CNTN5: variants seen among roughly 807,000 people sequenced by gnomAD.
CNTN5 encodes the protein contactin 5, also known as contactin-5.
A neutral mutation model predicts 129.1 loss-of-function variants in CNTN5; 77 were observed. That is an observed-to-expected ratio of 0.60 (90% CI 0.50 to 0.72). The LOEUF (loss-of-function observed/expected upper bound fraction) is 0.72. Among genes scored for constraint, CNTN5 ranks in the 30% least tolerant of loss-of-function variants. The pLI is 0.00. For synonymous variants in CNTN5, 509 were observed against 465.6 expected, an observed-to-expected ratio of 1.09 and a Z score of -1.20; for missense variants, 1,478 against 1,328.8, an observed-to-expected ratio of 1.11 and a Z score of -1.75.
At chr11:99,270,890 C>A (rs947928495) in intron 1 of CNTN5, among the ~76,000 whole-genome samples, 1 of 151,916 alleles carries the variant, frequency 6.6e-6, no homozygotes, top group African/African-American at 2.4e-5. Flanking sequence ...AACGTAATGG[C>A]ATGATTTGGT....
intron 1 of CNTN5, among the ~76,000 whole-genome samples, chr11:99,025,960 A>C (rs978868654): frequency 2.0e-5 from 3 of 151,728 alleles, no homozygotes; most frequent in Non-Finnish European, 4.4e-5. Context: ...TTTCAGTTAC[A>C]TGCAAGAACT....
intron 2 of CNTN5, among the ~76,000 whole-genome samples, chr11:99,369,218 A>ATG (rs1491220938): frequency 1.6e-3 from 6 of 3,722 alleles, no homozygotes; most frequent in Non-Finnish European, 3.5e-3. Context: ...ATTATATATA[A>ATG]TATATATATA....
chr11:99,876,425 C>T (rs1168553783), intron 6 of CNTN5, among the ~76,000 whole-genome samples: 1 of 152,206 alleles, frequency 6.6e-6, no homozygotes, highest in African/African-American at 2.4e-5. Context: ...CCTTCCTACA[C>T]TGCATTCTCC....
At chr11:99,722,156 A>G (rs1315786364) in intron 3 of CNTN5, among the ~76,000 whole-genome samples, 1 of 152,152 alleles carries the variant, frequency 6.6e-6, no homozygotes, top group African/African-American at 2.4e-5. Context: ...AATATAAATC[A>G]TTAATCCATA....
At chr11:99,362,565 A>G (rs1218613026) in intron 2 of CNTN5, among the ~76,000 whole-genome samples, 2 of 151,972 alleles carry the variant, frequency 1.3e-5, no homozygotes, top group African/African-American at 4.8e-5. Flanking sequence ...ACCCAAGGTT[A>G]TGAAGATAGC....
intron 2 of CNTN5, among the ~76,000 whole-genome samples, chr11:99,538,886 T>C (rs965224841): frequency 4.6e-5 from 7 of 152,110 alleles, no homozygotes; most frequent in Non-Finnish European, 2.9e-5. Flanking sequence ...TTAAAGGAAA[T>C]ATTAATATGC....
chr11:99,764,304 C>G (rs1032069848), intron 3 of CNTN5, among the ~76,000 whole-genome samples: 4 of 151,288 alleles, frequency 2.6e-5, no homozygotes, highest in African/African-American at 9.7e-5. Flanking sequence ...GCTAATGCTA[C>G]CAAATAGGAA....
intron 7 of CNTN5, among the ~76,000 whole-genome samples, chr11:99,948,811 G>C (rs893995366): frequency 6.6e-6 from 1 of 152,208 alleles, no homozygotes; most frequent in Non-Finnish European, 1.5e-5. Context: ...TTCACCCGAT[G>C]CGTGCGCACA....
chr11:99,427,047 A>C (rs905969097), intron 2 of CNTN5, among the ~76,000 whole-genome samples: 2 of 152,236 alleles, frequency 1.3e-5, no homozygotes, highest in African/African-American at 4.8e-5. Flanking sequence ...TAGGCCAGTT[A>C]CCGAAAGGCA....
At chr11:100,277,972 T>C (rs1950551523) in intron 18 of CNTN5, among the ~76,000 whole-genome samples, 1 of 152,150 alleles carries the variant, frequency 6.6e-6, no homozygotes, top group African/African-American at 2.4e-5. Context: ...TTAATACATT[T>C]TGATTTGATT....
At chr11:99,537,543 C>A (rs1947946380) in intron 2 of CNTN5, among the ~76,000 whole-genome samples, 1 of 152,028 alleles carries the variant, frequency 6.6e-6, no homozygotes, top group Non-Finnish European at 1.5e-5. Context: ...AACTAAGCAC[C>A]CTTCTTCGCT....
At chr11:99,710,355 C>G (rs1254209394) in intron 3 of CNTN5, among the ~76,000 whole-genome samples, 1 of 151,766 alleles carries the variant, frequency 6.6e-6, no homozygotes, top group African/African-American at 2.4e-5. Context: ...TCTACAAACC[C>G]TTTTGTTCTA....
chr11:99,465,205 CTATT>C (rs1323221960), intron 2 of CNTN5, among the ~76,000 whole-genome samples: 4 of 152,174 alleles, frequency 2.6e-5, no homozygotes, highest in African/African-American at 9.7e-5. Context: ...AATACTTCAC[CTATT>C]TGTTTCCCTT....
intron 2 of CNTN5, among the ~76,000 whole-genome samples, chr11:99,426,495 C>T (rs1051353243): frequency 2.0e-5 from 3 of 152,136 alleles, no homozygotes; most frequent in Non-Finnish European, 4.4e-5. Context: ...TCATCTTGAC[C>T]ATAAGACAGA....
At chr11:100,148,692 T>C (rs771062582) in intron 13 of CNTN5, among the ~76,000 whole-genome samples, 4 of 144,066 alleles carry the variant, frequency 2.8e-5, no homozygotes, top group Non-Finnish European at 6.0e-5. Context: ...ATGGAAAGTA[T>C]GAAAAATTAC....
At chr11:99,409,818 T>C (rs2135002302) in intron 2 of CNTN5, among the ~76,000 whole-genome samples, 1 of 152,248 alleles carries the variant, frequency 6.6e-6, no homozygotes. Flanking sequence ...TGAAGTTAAT[T>C]TGTAAGAATT....
chr11:99,781,180 G>A (rs926620542), intron 3 of CNTN5, among the ~76,000 whole-genome samples: 2 of 152,022 alleles, frequency 1.3e-5, no homozygotes, highest in Non-Finnish European at 2.9e-5. Flanking sequence ...ATATTCAAGA[G>A]TAAAATAAAT....
At chr11:99,284,329 T>C (rs550858017) in intron 1 of CNTN5, among the ~76,000 whole-genome samples, 14 of 152,240 alleles carry the variant, frequency 9.2e-5, no homozygotes, top group African/African-American at 3.4e-4. Context: ...TTAACAGTTT[T>C]AGAGTTCTGT....
intron 9 of CNTN5, among the ~76,000 whole-genome samples, chr11:100,040,879 C>T (rs983930325): frequency 4.0e-5 from 6 of 148,962 alleles, no homozygotes; most frequent in Admixed American, 1.3e-4. Flanking sequence ...GTCTGTCACC[C>T]CTTTCTTTGA....
Sources: gnomAD v4.1 joint callset for allele counts (sites outside exome capture counted in the v4.1 genomes callset) on GRCh38, gnomAD v4.1.1 for gene constraint, MANE v1.5 for transcripts, NCBI Gene and HGNC (gene_info 2026-07-23, HGNC 2026-07-21) for gene names.